Variants in JADE3 observed in about 807,000 individuals in gnomAD.
JADE3 encodes the protein protein Jade-3.
JADE3 carries 2 observed loss-of-function variants against 50.1 expected under a neutral mutation model. That is an observed-to-expected ratio of 0.04 (90% CI 0.02 to 0.13). JADE3 has a LOEUF of 0.13. JADE3 is among the 10% of genes least tolerant of loss of function. The pLI is 1.00. For missense variants in JADE3, 475 were observed against 634.4 expected (o/e 0.75, Z 2.70); for synonymous variants, 218 against 232.9 (o/e 0.94, Z 0.58).
At chrX:47,013,029 G>A (rs1251145243) in intron 4 of JADE3, among the ~76,000 whole-genome samples, 3 of 111,633 alleles carry the variant, frequency 2.7e-5, no homozygotes, top group Non-Finnish European at 5.6e-5. Context: ...TCTTTTTTCA[G>A]AGACAGCGTC....
chrX:46,922,537 A>G (rs1926245605), intron 1 of JADE3, among the ~76,000 whole-genome samples: 1 of 108,424 alleles, frequency 9.2e-6, no homozygotes, highest in Non-Finnish European at 1.9e-5. Context: ...GCTCTTCAGT[A>G]TTTTCATTCG....
chrX:47,057,717 A>G (rs1224233318), intron 10 of JADE3, among the ~76,000 whole-genome samples: 1 of 112,109 alleles, frequency 8.9e-6, no homozygotes, highest in African/African-American at 3.2e-5. Flanking sequence ...GCCTTGCTTC[A>G]GGAAGGCCAG....
At chrX:46,935,541 G>A (rs1268639255) in intron 1 of JADE3, among the ~76,000 whole-genome samples, 1 of 110,454 alleles carries the variant, frequency 9.1e-6, no homozygotes, top group African/African-American at 3.3e-5. Context: ...ATCAGTGGTT[G>A]CATTAGATTC....
intron 1 of JADE3, among the ~76,000 whole-genome samples, chrX:46,975,665 A>G (rs10429801): frequency 1.7e-4 from 18 of 105,380 alleles, no homozygotes; most frequent in African/African-American, 5.9e-4. Context: ...ATTTTGGTTC[A>G]TAAATCATTT....
chrX:47,040,508 C>T, intron 8 of JADE3, among the ~76,000 whole-genome samples: 1 of 111,761 alleles, frequency 8.9e-6, no homozygotes, highest in Non-Finnish European at 1.9e-5. Flanking sequence ...CAGATGGGAT[C>T]GTCTAGTTGC....
chrX:47,010,429 T>C (rs1187527863), intron 4 of JADE3, among the ~76,000 whole-genome samples: 1 of 111,141 alleles, frequency 9.0e-6, no homozygotes, highest in Admixed American at 9.6e-5. Flanking sequence ...GGTTTCTCCA[T>C]GTTGGTCAGG....
chrX:46,930,589 A>G (rs1157225700), intron 1 of JADE3, among the ~76,000 whole-genome samples: 6 of 112,133 alleles, frequency 5.4e-5, no homozygotes, highest in Non-Finnish European at 1.1e-4. Context: ...GTTGTGGATT[A>G]CTGTCATTGT....
At chrX:46,923,284 G>A (rs782727400) in intron 1 of JADE3, among the ~76,000 whole-genome samples, 19 of 107,960 alleles carry the variant, frequency 1.8e-4, no homozygotes, top group African/African-American at 6.0e-4. Context: ...CAAAGTGCTG[G>A]GATTACAAGT....
At chrX:46,988,925 C>T (rs914180063) in intron 3 of JADE3, among the ~76,000 whole-genome samples, 4 of 112,383 alleles carry the variant, frequency 3.6e-5, no homozygotes, top group South Asian at 7.4e-4. Flanking sequence ...CTGCAACCTC[C>T]GCCTCCCAGG....
intron 4 of JADE3, among the ~76,000 whole-genome samples, chrX:47,005,924 C>A (rs1482707078): frequency 9.0e-6 from 1 of 111,471 alleles, no homozygotes; most frequent in Non-Finnish European, 1.9e-5. Context: ...CAACCCTGAT[C>A]TCCAGCCAGA....
In JADE3 at chrX:47,039,049, C is replaced by T. The variant is rs782548118; in HGVS notation, c.956C>T (p.Thr319Met). 2.4e-5 allele frequency: 27 copies of T among 1,148,168 alleles called. No individual in the cohort carries two copies. The highest frequency in any genetic ancestry group is 2.4e-4 in the Middle Eastern group (1 of 4,198). The allele number at this position is 1,148,168 out of a possible 1,213,427, so 94.6% of individuals were successfully genotyped here. A position where few individuals can be genotyped will look rare whatever the true frequency, so the allele number is the denominator to read the frequency against. ...ALVCNLCKLK[T>M]GACIQCSIKS... ...GTCTGCAACTTGTGCAAGTTGAAGA[C>T]GGGGGCTTGTATTCAGGTAAGTCCC... The change falls in exon 8 of 11, where the codon ACG (threonine) becomes ATG (methionine). Residue 319 changes from threonine (T) to methionine (M), a missense_variant. Coordinates refer to ENST00000614628, the MANE Select transcript of JADE3 (RefSeq NM_014735.5).
intron 4 of JADE3, among the ~76,000 whole-genome samples, chrX:47,004,438 TTTTG>T (rs1198535320): frequency 4.5e-5 from 5 of 111,722 alleles, no homozygotes; most frequent in Non-Finnish European, 7.5e-5. Context: ...GAGTTCTTTT[TTTTG>T]TTTGTTTGTT....
At chrX:47,013,201 A>G (rs1928599015) in intron 4 of JADE3, among the ~76,000 whole-genome samples, 1 of 110,748 alleles carries the variant, frequency 9.0e-6, no homozygotes, top group Non-Finnish European at 1.9e-5. Flanking sequence ...TTTTTTAGAG[A>G]TGGGATCTCG....
intron 1 of JADE3, among the ~76,000 whole-genome samples, chrX:46,930,611 T>C (rs549264483): frequency 8.9e-6 from 1 of 111,914 alleles, no homozygotes; most frequent in East Asian, 2.8e-4. Context: ...GTGTCACTCC[T>C]CTCTTTGCTT....
At chrX:47,051,798 CAA>C (rs1195278333) in intron 8 of JADE3, among the ~76,000 whole-genome samples, 1 of 68,883 alleles carries the variant, frequency 1.5e-5, no homozygotes. Flanking sequence ...CTCTGTCTCC[CAA>C]AAAAAAAAAA....
At chrX:46,915,381 C>T in intron 1 of JADE3, among the ~76,000 whole-genome samples, 2 of 112,269 alleles carry the variant, frequency 1.8e-5, no homozygotes, top group Non-Finnish European at 3.8e-5. Flanking sequence ...TTACTATGAT[C>T]TTGACTTGTC....
intron 6 of JADE3, 115 bp from the exon 7 acceptor site, chrX:47,033,506 C>T: frequency 1.7e-6 from 1 of 583,772 alleles, no homozygotes; most frequent in East Asian, 3.6e-5. Flanking sequence ...GCTTGTTCGG[C>T]TTTATTTGCC....
chrX:47,055,220 A>T (rs1929610259), intron 9 of JADE3, among the ~76,000 whole-genome samples: 1 of 111,322 alleles, frequency 9.0e-6, no homozygotes, highest in Admixed American at 9.6e-5. Context: ...ATTCAATATA[A>T]CTCATGGTAT....
intron 1 of JADE3, among the ~76,000 whole-genome samples, chrX:46,934,102 A>G (rs1926554088): frequency 9.0e-6 from 1 of 111,096 alleles, no homozygotes. Flanking sequence ...TTGGCTTTTC[A>G]TTGTCTTAAT....
Sources: gnomAD v4.1 joint callset for allele counts (sites outside exome capture counted in the v4.1 genomes callset) on GRCh38, gnomAD v4.1.1 for gene constraint, MANE v1.5 for transcripts, NCBI Gene and HGNC (gene_info 2026-07-23, HGNC 2026-07-21) for gene names.